CACNA1C: variants seen among roughly 807,000 people sequenced by gnomAD.
CACNA1C encodes the protein calcium voltage-gated channel subunit alpha1 C, also known as voltage-dependent L-type calcium channel subunit alpha-1C.
CACNA1C carries 30 observed loss-of-function variants against 229.0 expected under a neutral mutation model. That is an observed-to-expected ratio of 0.13 (90% CI 0.10 to 0.18). The LOEUF (loss-of-function observed/expected upper bound fraction) is 0.18, where lower values mean the gene tolerates loss of function less well. Among genes scored for constraint, CACNA1C ranks in the 10% least tolerant of loss-of-function variants. The probability of loss-of-function intolerance (pLI) is 1.00; values close to 1 mark genes in which losing one functional copy is unlikely to be tolerated. For missense variants in CACNA1C, 1,658 were observed against 2,845.0 expected, an observed-to-expected ratio of 0.58 and a Z score of 9.49; for synonymous variants, 1,114 against 1,132.5, an observed-to-expected ratio of 0.98 and a Z score of 0.33.
intron 1 of CACNA1C, among the ~76,000 whole-genome samples, chr12:2,021,831 C>T (rs987178999): frequency 1.3e-5 from 2 of 152,198 alleles, no homozygotes; most frequent in Admixed American, 6.5e-5. Context: ...GGTGTTAATC[C>T]ACTCATGAGA....
chr12:2,268,696 C>T (rs1326527436), intron 3 of CACNA1C, among the ~76,000 whole-genome samples: 1 of 152,130 alleles, frequency 6.6e-6, no homozygotes, highest in East Asian at 1.9e-4. Flanking sequence ...TTAGACCAAA[C>T]CACGGGAAGG....
At position 2,120,440 on chromosome 12, in the gene CACNA1C, C is replaced by T. The variant is rs1175290409; in HGVS notation, c.477+10C>T. 7.0e-7 allele frequency: 1 copy of T among 1,437,478 alleles called. No homozygotes were observed. Among genetic ancestry groups the T allele is most frequent in the African/African-American group, 1.4e-5 (1 of 71,520 alleles). 89.0% of individuals were successfully genotyped at this position (1,437,478 alleles called of 1,614,324 possible). A position where few individuals can be genotyped will look rare whatever the true frequency, so the allele number is the denominator to read the frequency against. ...CACCAATTCCAACCTGGTAAGTCCACCATCCTCAAGTCTCTGCTTTTTCAC... is the reference window on the plus strand; with the variant it reads ...CACCAATTCCAACCTGGTAAGTCCATCATCCTCAAGTCTCTGCTTTTTCAC... On this transcript the variant is annotated intron_variant, in intron 3 of 46. Coordinates refer to ENST00000399655, the MANE Select transcript of CACNA1C (RefSeq NM_000719.7).
intron 3 of CACNA1C, among the ~76,000 whole-genome samples, chr12:2,418,770 T>C (rs1595767396): frequency 1.3e-5 from 2 of 151,830 alleles, no homozygotes; most frequent in Admixed American, 1.3e-4. Flanking sequence ...TCTAGGGAGG[T>C]GGGGTCCTAC....
At chr12:2,491,172 G>T (rs2099726679) in intron 6 of CACNA1C, among the ~76,000 whole-genome samples, 1 of 152,146 alleles carries the variant, frequency 6.6e-6, no homozygotes, top group South Asian at 2.1e-4. Flanking sequence ...AATTTCTAGA[G>T]GAGGCAAAGC....
At chr12:2,458,208 T>G (rs140096977) in intron 5 of CACNA1C, among the ~76,000 whole-genome samples, 2 of 152,368 alleles carry the variant, frequency 1.3e-5, no homozygotes, top group African/African-American at 4.8e-5. Context: ...AGCCCAGGCC[T>G]CAGGAGCCCT....
chr12:2,672,954 T>C (rs1164648868), intron 38 of CACNA1C, among the ~76,000 whole-genome samples: 5 of 152,178 alleles, frequency 3.3e-5, no homozygotes, highest in African/African-American at 4.8e-5. Context: ...TGCCTTCAGG[T>C]CCTGTTTGGA....
At chr12:2,135,506 TGTTA>T (rs2093231976) in intron 3 of CACNA1C, among the ~76,000 whole-genome samples, 1 of 132,606 alleles carries the variant, frequency 7.5e-6, no homozygotes. Flanking sequence ...CCTTTCTGTT[TGTTA>T]GTTTTCCTTC....
intron 1 of CACNA1C, among the ~76,000 whole-genome samples, chr12:2,087,714 C>A (rs1346834651): frequency 2.6e-5 from 4 of 152,070 alleles, no homozygotes; most frequent in African/African-American, 9.7e-5. Flanking sequence ...AGTGGAAGAG[C>A]CCATCTCAGA....
chr12:2,525,061 C>T (rs1443283895), intron 9 of CACNA1C, among the ~76,000 whole-genome samples: 1 of 152,164 alleles, frequency 6.6e-6, no homozygotes, highest in African/African-American at 2.4e-5. Context: ...GTTCAGGGTG[C>T]ACAGGGGAGA....
At chr12:2,094,915 A>G (rs934244519) in intron 1 of CACNA1C, among the ~76,000 whole-genome samples, 2 of 152,202 alleles carry the variant, frequency 1.3e-5, no homozygotes, top group Non-Finnish European at 2.9e-5. Flanking sequence ...CCCTTTAACA[A>G]TAACAAAATG....
At chr12:2,077,007 G>A (rs2063459429) in intron 1 of CACNA1C, among the ~76,000 whole-genome samples, 1 of 152,228 alleles carries the variant, frequency 6.6e-6, no homozygotes, top group Non-Finnish European at 1.5e-5. Flanking sequence ...CTCACTAGCT[G>A]TGGCTTCATG....
At chr12:2,535,704 T>TAAAAAAAA (rs758857733) in intron 9 of CACNA1C, among the ~76,000 whole-genome samples, 38 of 36,560 alleles carry the variant, frequency 1.0e-3, no homozygotes, top group African/African-American at 3.0e-3. Context: ...AGACCCTGTC[T>TAAAAAAAA]AAAAAAAAAA....
At chr12:2,055,711 G>T (rs989052238) in intron 1 of CACNA1C, among the ~76,000 whole-genome samples, 10 of 152,306 alleles carry the variant, frequency 6.6e-5, no homozygotes, top group African/African-American at 9.6e-5. Flanking sequence ...CTGAATTCCA[G>T]TTCTCTCCCT....
chr12:2,582,986 C>T, intron 15 of CACNA1C, 44 bp downstream of exon 15: 2 of 1,421,576 alleles, frequency 1.4e-6, no homozygotes, highest in Non-Finnish European at 1.9e-6. Flanking sequence ...CCCCAGCCCC[C>T]AGCCTGCAGC....
At chr12:2,101,289 TTC>T (rs1395121345) in intron 1 of CACNA1C, among the ~76,000 whole-genome samples, 15 of 152,266 alleles carry the variant, frequency 9.9e-5, no homozygotes, top group South Asian at 2.1e-4. Context: ...CTTGGATTAG[TTC>T]TCTCAGGGTA....
At chr12:2,227,438 G>T (rs2063350155) in intron 3 of CACNA1C, among the ~76,000 whole-genome samples, 1 of 152,212 alleles carries the variant, frequency 6.6e-6, no homozygotes, top group Non-Finnish European at 1.5e-5. Flanking sequence ...ACCTTTCAGA[G>T]TCTGCCAAAT....
At chr12:2,529,605 C>A (rs1394364326) in intron 9 of CACNA1C, among the ~76,000 whole-genome samples, 1 of 152,210 alleles carries the variant, frequency 6.6e-6, no homozygotes, top group Non-Finnish European at 1.5e-5. Flanking sequence ...TTTGTCAGAT[C>A]TAAAACGAGG....
chr12:2,053,205 C>G lies in CACNA1C; in HGVS notation c.-358C>G. On this transcript the variant is annotated 5_prime_UTR_variant, in exon 1 of 47. Coordinates refer to ENST00000399655, the MANE Select transcript of CACNA1C (RefSeq NM_000719.7). This position sits in a 1 kb window ranked among gnomAD's most constrained non-coding sequence, Gnocchi z 5.8. The stretch of plus-strand genomic sequence containing the variant: ...GCCGGCCCAGGCGGGCCCCGCGCGC[C>G]CCCCGCCCCTCCTCTCCGCCTCTTC... The G allele has an allele frequency of 9.9e-7, 1 of 1,007,158 alleles. No individual in the cohort carries two copies. Among genetic ancestry groups the G allele is most frequent in the Non-Finnish European group, 1.2e-6 (1 of 844,460 alleles). 62.4% of individuals were successfully genotyped at this position (1,007,158 alleles called of 1,614,324 possible).
At chr12:2,329,660 A>T (rs142851428) in intron 3 of CACNA1C, among the ~76,000 whole-genome samples, 1,684 of 152,222 alleles carry the variant, frequency 0.011, 14 homozygotes, top group Non-Finnish European at 0.018. Flanking sequence ...GCTGCTATAG[A>T]TGTTGTGTGG....
Sources: allele counts gnomAD v4.1 joint callset (sites outside exome capture counted in the v4.1 genomes callset), GRCh38; gene constraint gnomAD v4.1.1; non-coding constraint Gnocchi (gnomAD v3.1); transcripts MANE v1.5; gene names NCBI Gene and HGNC (gene_info 2026-07-23, HGNC 2026-07-21).